Variants in CPSF3 observed in about 807,000 individuals in gnomAD.
The protein encoded by CPSF3 is cleavage and polyadenylation specificity factor subunit 3.
CPSF3 carries 57 observed loss-of-function variants against 84.1 expected under a neutral mutation model. The observed-to-expected ratio is 0.68, with a 90% CI of 0.55 to 0.85. CPSF3 has a LOEUF of 0.85. CPSF3 is among the 40% of genes least tolerant of loss of function. The pLI, the probability that CPSF3 is intolerant of heterozygous loss-of-function variation, is 0.00. For synonymous variants in CPSF3, 275 were observed against 278.1 expected (o/e 0.99, Z 0.11); for missense variants, 522 against 838.8 (o/e 0.62, Z 4.66).
rs933377076 is a variant in CPSF3, at chr2:9,471,348, T to C, written c.1862T>C (p.Ile621Thr). ...GCATTTCTGCTTATTTTCAGGGACA[T>C]ATTTGGAGAAGACTGTGTAAGTGTA... ...SKRLEIMLQD[I>T]FGEDCVSVKD... The change falls in exon 17 of 18, where the codon ATA (isoleucine) becomes ACA (threonine). Residue 621 changes from isoleucine (I) to threonine (T), a missense_variant. By Grantham distance (89) the Ile-to-Thr change is moderately conservative (BLOSUM62 -1). This residue lies in a region of CPSF3 where 193 missense variants were observed against 231.6 expected (regional missense o/e 0.83). Transcript: ENST00000238112. 6.2e-7 allele frequency: 1 copy of C among 1,600,122 alleles called. No homozygotes were observed. Among genetic ancestry groups the C allele is most frequent in the Non-Finnish European group, 8.6e-7 (1 of 1,167,504 alleles).
chr2:9,430,911 T>G (rs780135601), intron 4 of CPSF3, 31 bp downstream of exon 4: 1 of 1,593,574 alleles, frequency 6.3e-7, no homozygotes, highest in Non-Finnish European at 8.6e-7. Context: ...ATACACGACT[T>G]TGGCTCTATA....
chr2:9,434,292 C>T (rs1323479027), intron 6 of CPSF3, among the ~76,000 whole-genome samples: 1 of 151,874 alleles, frequency 6.6e-6, no homozygotes, highest in African/African-American at 2.4e-5. Flanking sequence ...TCACTTGAAC[C>T]CAGAAGGTGG....
chr2:9,467,281 C>T (rs1682011066), intron 15 of CPSF3, among the ~76,000 whole-genome samples: 1 of 152,002 alleles, frequency 6.6e-6, no homozygotes, highest in Admixed American at 6.5e-5. Context: ...TAATAGAAAG[C>T]TAAATTTATA....
intron 11 of CPSF3, among the ~76,000 whole-genome samples, chr2:9,451,502 G>A (rs928643677): frequency 6.6e-6 from 1 of 151,878 alleles, no homozygotes; most frequent in Non-Finnish European, 1.5e-5. Context: ...GGTGGCTCTC[G>A]CCTGTAATCC....
Position 9,452,963 on chromosome 2 carries a change from AG to A in CPSF3, c.1448del (p.Gly483GlufsTer26). On this transcript the variant is annotated frameshift_variant, in exon 12 of 18. Transcript: ENST00000238112. LOFTEE classifies it high-confidence loss of function. ...AACCAGAACAAGGCCAGCGGGTCTC[AG>A]GAATACTTGTTAAAAGAAACTTTAA... is the stretch of plus-strand genomic sequence containing the variant. ...KKPEQGQRVS[G>X]ILVKRNFNYH... The A allele has an allele frequency of 6.2e-7, 1 of 1,612,292 alleles. No homozygotes were observed. The highest frequency in any genetic ancestry group is 8.5e-7 in the Non-Finnish European group (1 of 1,179,526).
intron 14 of CPSF3, among the ~76,000 whole-genome samples, chr2:9,459,027 A>G (rs532348317): frequency 4.6e-5 from 7 of 151,882 alleles, no homozygotes; most frequent in Admixed American, 1.3e-4. Context: ...CAGCAGAATT[A>G]CTTGAACCTG....
At chr2:9,461,635 A>C (rs1681727497) in intron 15 of CPSF3, among the ~76,000 whole-genome samples, 1 of 151,308 alleles carries the variant, frequency 6.6e-6, no homozygotes, top group Admixed American at 6.6e-5. Flanking sequence ...ACACCACTGC[A>C]TTTCAGCCTG....
At chr2:9,468,157 T>C (rs147598507) in intron 16 of CPSF3, among the ~76,000 whole-genome samples, 2 of 152,246 alleles carry the variant, frequency 1.3e-5, no homozygotes, top group African/African-American at 4.8e-5. Flanking sequence ...TGTAAAATGG[T>C]GTTCTTCTAG....
intron 17 of CPSF3, among the ~76,000 whole-genome samples, 168 bp from the exon 18 acceptor site, chr2:9,472,748 G>A (rs553389651): frequency 2.2e-4 from 33 of 152,122 alleles, no homozygotes; most frequent in African/African-American, 2.9e-4. Flanking sequence ...CAACCTTCCC[G>A]GCTCAGTGAT....
At chr2:9,440,382 A>C (rs1402810503) in intron 7 of CPSF3, 109 bp from the exon 8 acceptor site, 1 of 903,414 alleles carries the variant, frequency 1.1e-6, no homozygotes, top group African/African-American at 1.8e-5. Flanking sequence ...TGTGTGCTTT[A>C]TTTCTTGGTT....
chr2:9,469,419 G>A (rs562095949), intron 16 of CPSF3, among the ~76,000 whole-genome samples: 7 of 152,274 alleles, frequency 4.6e-5, no homozygotes, highest in East Asian at 1.9e-4. Flanking sequence ...TTCTGTTGGC[G>A]GCCCTGTTCC....
chr2:9,456,912 A>G (rs1458610424), intron 13 of CPSF3, 21 bp from the exon 14 acceptor site: 1 of 1,401,760 alleles, frequency 7.1e-7, no homozygotes, highest in Non-Finnish European at 1.0e-6. Context: ...TATACATCTT[A>G]TAGTTATGTC....
rs543727439 is a variant in CPSF3 at position 9,459,638 on chromosome 2, C to CTTTTTTTTTTTT, written c.1786+37_1786+48dup. The CTTTTTTTTTTTT allele has an allele frequency of 2.3e-5, 7 of 310,492 alleles. 2 individuals are homozygous for CTTTTTTTTTTTT. The African/African-American group carries it at 3.0e-4, about 13-fold the overall frequency. 19.2% of individuals were successfully genotyped at this position (310,492 alleles called of 1,614,324 possible). On this transcript the variant is annotated intron_variant, in intron 15 of 17. Coordinates refer to ENST00000238112, the MANE Select transcript of CPSF3 (RefSeq NM_016207.4). ...GAAAAGGTAAGAGTTCATTTTTATC[C>CTTTTTTTTTTTT]TTTTTTTTTTTTTTTTTTTTTTTTT...
At chr2:9,440,708 A>C in intron 8 of CPSF3, 42 bp downstream of exon 8, 3 of 1,596,962 alleles carry the variant, frequency 1.9e-6, no homozygotes, top group Non-Finnish European at 1.7e-6. Context: ...ATAAAACCAA[A>C]TCAGTCATTA....
chr2:9,466,364 G>GCA (rs1366487851), intron 15 of CPSF3, among the ~76,000 whole-genome samples: 1 of 137,768 alleles, frequency 7.3e-6, no homozygotes, highest in Non-Finnish European at 1.6e-5. Context: ...ACACACACAC[G>GCA]CACACACCCA....
chr2:9,466,312 T>G lies in CPSF3; in HGVS notation c.1787-1395T>G, dbSNP rs56313018. ...CACACAGACGCATGCACACGCACACTGACGCACGCACACAGACGCACGCAC... is the reference window on the plus strand; with the variant it reads ...CACACAGACGCATGCACACGCACACGGACGCACGCACACAGACGCACGCAC... On this transcript the variant is annotated intron_variant, in intron 15 of 17. Transcript: ENST00000238112. 3.9e-3 allele frequency among the ~76,000 whole-genome samples: 206 copies of G among 52,182 alleles called. 1 individual carries two copies. Among genetic ancestry groups the G allele is most frequent in the African/African-American group, 0.012 (201 of 16,360 alleles). 34.2% of individuals were successfully genotyped at this position (52,182 alleles called of 152,430 possible).
intron 11 of CPSF3, among the ~76,000 whole-genome samples, chr2:9,449,716 TG>T (rs1572789295): frequency 1.3e-5 from 2 of 152,234 alleles, no homozygotes; most frequent in East Asian, 3.9e-4. Context: ...CACTCCAGCC[TG>T]GGTGACAGAG....
At chr2:9,458,487 T>A (rs964405988) in intron 14 of CPSF3, among the ~76,000 whole-genome samples, 2 of 152,044 alleles carry the variant, frequency 1.3e-5, no homozygotes, top group Non-Finnish European at 2.9e-5. Context: ...AATGTTAATA[T>A]CAGAAAAAGG....
chr2:9,448,561 TG>T (rs1258058925), intron 11 of CPSF3, among the ~76,000 whole-genome samples: 1 of 123,476 alleles, frequency 8.1e-6, no homozygotes, highest in Admixed American at 9.3e-5. Flanking sequence ...TTAGATTTTT[TG>T]TGTGTGTGTG....
Sources: gnomAD v4.1 joint callset for allele counts (sites outside exome capture counted in the v4.1 genomes callset) on GRCh38, gnomAD v4.1.1 for gene constraint, gnomAD v4.1.1 regional missense constraint, MANE v1.5 for transcripts, NCBI Gene and HGNC (gene_info 2026-07-23, HGNC 2026-07-21) for gene names.